The following DLX5 variants were observed in gnomAD, a reference collection of about 807,000 sequenced individuals.
The protein encoded by DLX5 is homeobox protein DLX-5.
Under a neutral mutation model 27.1 loss-of-function variants are expected in DLX5, and 8 were observed. The observed-to-expected ratio is 0.30, with a 90% CI of 0.17 to 0.53. The LOEUF (loss-of-function observed/expected upper bound fraction) is 0.53, where lower values mean the gene tolerates loss of function less well. Ranked by LOEUF, DLX5 falls within the 20% of genes least tolerant of loss-of-function variation. The pLI, the probability that DLX5 is intolerant of heterozygous loss-of-function variation, is 0.95. For synonymous variants in DLX5, 178 were observed against 161.9 expected, an observed-to-expected ratio of 1.10 and a Z score of -0.75; for missense variants, 339 against 375.1, an observed-to-expected ratio of 0.90 and a Z score of 0.80.
chr7:97,024,161 G>T lies in DLX5; in HGVS notation c.355+108C>A. 9.9e-7 allele frequency: 1 copy of T among 1,010,004 alleles called. No individual in the cohort carries two copies. The highest frequency in any genetic ancestry group is 1.4e-6 in the Non-Finnish European group (1 of 699,938). The allele number at this position is 1,010,004 out of a possible 1,614,324, so 62.6% of individuals were successfully genotyped here. ...TGAGTCCTACTCCCTTCTGCCGCGT[G>T]CGCCCCCACTGCCGTGAACCGCTGT... On this transcript the variant is annotated intron_variant, in intron 1 of 2. Coordinates refer to ENST00000648378, the MANE Select transcript of DLX5 (RefSeq NM_005221.6). This position sits in a 1 kb window ranked among gnomAD's most constrained non-coding sequence, Gnocchi z 4.6.
In DLX5 at chr7:97,020,919, C is replaced by T. The variant is rs1225269506; in HGVS notation, c.687G>A (p.Ser229=). The T allele has an allele frequency of 7.4e-6, 12 of 1,614,098 alleles. No individual in the cohort carries two copies. The highest frequency in any genetic ancestry group is 1.0e-5 in the Non-Finnish European group (12 of 1,180,042). The part of the protein sequence containing the change: ...QSPAVWEPQG[S]SRSLSHHPHA... The stretch of plus-strand genomic sequence containing the variant: ...GAGGGTGGTGGCTGAGCGAGCGGGA[C>T]GAGCCCTGGGGCTCCCACACCGCTG... The change falls in exon 3 of 3, where the codon TCG becomes TCA. Residue 229 remains serine, a synonymous_variant. Transcript: ENST00000648378.
At position 97,024,456 on chromosome 7, in the gene DLX5, G is replaced by C. The variant is rs1322581475; in HGVS notation, c.168C>G (p.His56Gln). 1.2e-6 allele frequency: 2 copies of C among 1,614,272 alleles called. No individual in the cohort carries two copies. The highest frequency in any genetic ancestry group is 1.7e-6 in the Non-Finnish European group (2 of 1,180,052). ...DYYSPTGGAP[H>Q]GYCSPTSASY... is the part of the protein sequence containing the mutation. The stretch of plus-strand genomic sequence containing the variant: ...AAGCCGAGGTAGGAGAGCAGTAGCC[G>C]TGCGGGGCTCCCCCCGTAGGGCTGT... The change falls in exon 1 of 3, where the codon CAC (histidine) becomes CAG (glutamine). Residue 56 changes from histidine (H) to glutamine (Q), a missense_variant. Around this residue, in one of 3 missense-constraint regions of DLX5, gnomAD observed 188 missense variants for 206.1 expected, o/e 0.91. Transcript: ENST00000648378. The surrounding 1 kb of genome is among the most constrained non-coding windows in gnomAD (Gnocchi z 4.6).
Position 97,020,668 on chromosome 7 carries a change from T to C in DLX5, c.*68A>G. The C allele has an allele frequency of 7.1e-7, 1 of 1,414,374 alleles. No individual in the cohort carries two copies. Among genetic ancestry groups the C allele is most frequent in the Non-Finnish European group, 9.4e-7 (1 of 1,064,278 alleles). 87.6% of individuals were successfully genotyped at this position (1,414,374 alleles called of 1,614,324 possible). ...CCGAACTTCCCCATATGAATTCCTT[T>C]CTTTATGATTTTCTAGAACAGCAAA... On this transcript the variant is annotated 3_prime_UTR_variant, in exon 3 of 3. Transcript: ENST00000648378.
In DLX5 at chr7:97,020,698, A is replaced by G; in HGVS notation, c.*38T>C. The G allele has an allele frequency of 2.0e-6, 3 of 1,498,704 alleles. No individual in the cohort carries two copies. Among genetic ancestry groups the G allele is most frequent in the Non-Finnish European group, 2.7e-6 (3 of 1,118,322 alleles). 92.8% of individuals were successfully genotyped at this position (1,498,704 alleles called of 1,614,324 possible). A position where few individuals can be genotyped will look rare whatever the true frequency, so the allele number is the denominator to read the frequency against. The stretch of plus-strand genomic sequence containing the variant: ...ATGATTTTCTAGAACAGCAAAACAC[A>G]GTAGTCCCAAAAAAGAGAGTAAGAG... On this transcript the variant is annotated 3_prime_UTR_variant, in exon 3 of 3. Transcript: ENST00000648378.
chr7:97,022,033 C>T, intron 2 of DLX5, 152 bp downstream of exon 2: 1 of 876,560 alleles, frequency 1.1e-6, no homozygotes, highest in South Asian at 1.5e-5. Flanking sequence ...AGGCCTGACT[C>T]ACCGAGTTAA....
chr7:97,022,467 G>C (rs1022200472), intron 1 of DLX5, 98 bp from the exon 2 acceptor site: 50 of 1,555,244 alleles, frequency 3.2e-5, no homozygotes, highest in Non-Finnish European at 4.0e-5. Context: ...TTACCACTCA[G>C]TCTTCATTCT....
chr7:97,022,447 C>T (rs868715953), intron 1 of DLX5, 78 bp from the exon 2 acceptor site: 1 of 1,583,832 alleles, frequency 6.3e-7, no homozygotes, highest in Non-Finnish European at 8.6e-7. Context: ...AAATAGAGTC[C>T]TAGAGTTTCT....
rs200405739 is a variant in DLX5, at chr7:97,023,340, G to GTA, written c.355+928_355+929insTA. On this transcript the variant is annotated intron_variant, in intron 1 of 2. Transcript: ENST00000648378. Reference sequence around the variant, plus strand: ...AACTGACGGAGAACCTCTCCAGGGTGTGTGTGTGTGTGTGTGTGTGTGTGT... The same window carrying GTA: ...AACTGACGGAGAACCTCTCCAGGGTGTATGTGTGTGTGTGTGTGTGTGTGTGT... Among the ~76,000 whole-genome samples the GTA allele has an allele frequency of 2.5e-4, 5 of 19,942 alleles. No homozygotes were observed. The East Asian group carries it at 7.3e-3, about 29-fold the overall frequency. 13.1% of individuals were successfully genotyped at this position (19,942 alleles called of 152,430 possible).
intron 2 of DLX5, chr7:97,021,865 C>T (rs1790071061): frequency 5.1e-6 from 3 of 586,248 alleles, no homozygotes; most frequent in East Asian, 2.8e-5. Context: ...GATAGCTGCT[C>T]TGGGCTGCCT....
chr7:97,024,116 ACT>A lies in DLX5; in HGVS notation c.355+151_355+152del, dbSNP rs750079834. On this transcript the variant is annotated intron_variant, in intron 1 of 2. Transcript: ENST00000648378. The surrounding 1 kb of genome is among the most constrained non-coding windows in gnomAD (Gnocchi z 4.6). ...AATCCCTAAAATGCTGGCCCGAGAA[ACT>A]CTCTTTGTTGGAGGGTCTGAGTCCT... Among the ~76,000 whole-genome samples the A allele has an allele frequency of 6.6e-6, 1 of 151,732 alleles. No homozygotes were observed. Among genetic ancestry groups the A allele is most frequent in the African/African-American group, 2.4e-5 (1 of 41,272 alleles).
rs1347188617 is a variant in DLX5 at position 97,022,231 on chromosome 7, G to A, written c.494C>T (p.Pro165Leu). Residue 165 changes from proline to leucine, a missense_variant, in exon 2 of 3, where the codon CCG becomes CTG. Around this residue, in one of 3 missense-constraint regions of DLX5, gnomAD observed 15 missense variants for 38.7 expected, o/e 0.39. Transcript: ENST00000648378. ...RFQKTQYLALPERAELAASLG... is the reference protein window; with the variant it reads ...RFQKTQYLALLERAELAASLG... ...CGAGGCGGCCAGCTCGGCGCGTTCC[G>A]GCAAGGCGAGGTACTGAGTCTTCTG... 1 of 1,614,198 alleles carries A rather than the reference G, an allele frequency of 6.2e-7. No individual in the cohort carries two copies.
chr7:97,022,792 C>T (rs549202762), intron 1 of DLX5, among the ~76,000 whole-genome samples: 2 of 152,152 alleles, frequency 1.3e-5, no homozygotes, highest in African/African-American at 2.4e-5. Flanking sequence ...CTACTTCTGT[C>T]GGCGTCTGTT....
chr7:97,023,620 T>G (rs1790122732), intron 1 of DLX5, among the ~76,000 whole-genome samples: 1 of 151,964 alleles, frequency 6.6e-6, no homozygotes, highest in African/African-American at 2.4e-5. Context: ...TGGGCGCCTA[T>G]GGAGACAGAA....
intron 2 of DLX5, chr7:97,021,946 C>T: frequency 1.6e-6 from 1 of 612,808 alleles, no homozygotes; most frequent in Non-Finnish European, 2.9e-6. Flanking sequence ...CGGAGGCCCG[C>T]TACGGGGTGG....
At position 97,020,766 on chromosome 7, in the gene DLX5, C is replaced by G; in HGVS notation, c.840G>C (p.Pro280=). The change falls in exon 3 of 3, where the codon CCG becomes CCC. Residue 280 remains proline, a synonymous_variant. Coordinates refer to ENST00000648378, the MANE Select transcript of DLX5 (RefSeq NM_005221.6). ...HLPPPGSLQH[P]LALASGTLY is the part of the protein sequence containing the mutation. ...AGAGTGTCCCGGAGGCCAGCGCCAG[C>G]GGGTGCTGTAAGGAGCCCGGCGGCG... The G allele has an allele frequency of 6.2e-7, 1 of 1,603,054 alleles. No homozygotes were observed. Among genetic ancestry groups the G allele is most frequent in the Non-Finnish European group, 8.5e-7 (1 of 1,172,190 alleles).
rs775574349 is a variant in DLX5 at position 97,022,239 on chromosome 7, G to C, written c.486C>G (p.Leu162=). 1 of 1,614,222 alleles carries C rather than the reference G, an allele frequency of 6.2e-7. No individual in the cohort carries two copies. Among genetic ancestry groups the C allele is most frequent in the South Asian group, 1.1e-5 (1 of 91,088 alleles). ...CCAGCTCGGCGCGTTCCGGCAAGGC[G>C]AGGTACTGAGTCTTCTGAAACCTTC... ...LQRRFQKTQY[L]ALPERAELAA... The change falls in exon 2 of 3, where the codon CTC becomes CTG. Residue 162 remains leucine, a synonymous_variant. Coordinates refer to ENST00000648378, the MANE Select transcript of DLX5 (RefSeq NM_005221.6).
At position 97,024,238 on chromosome 7, in the gene DLX5, T is replaced by C. The variant is rs1790135901; in HGVS notation, c.355+31A>G. The C allele has an allele frequency of 4.4e-6, 7 of 1,592,256 alleles. No individual in the cohort carries two copies. The East Asian group carries it at 1.6e-4, about 36-fold the overall frequency. On this transcript the variant is annotated intron_variant, in intron 1 of 2. Transcript: ENST00000648378. This position sits in a 1 kb window ranked among gnomAD's most constrained non-coding sequence, Gnocchi z 4.6. ...CGCCCCCAGCGTCCTAGTCGCCCTGTATCTGCCCAGCCTTCCCCCTGTCCA... is the reference window on the plus strand; with the variant it reads ...CGCCCCCAGCGTCCTAGTCGCCCTGCATCTGCCCAGCCTTCCCCCTGTCCA...
At chr7:97,022,049 A>G in intron 2 of DLX5, 136 bp downstream of exon 2, 1 of 1,029,686 alleles carries the variant, frequency 9.7e-7, no homozygotes, top group Non-Finnish European at 1.5e-6. Flanking sequence ...GTTAAAGCAT[A>G]GGGGCTGATG....
rs1790135511 is a variant in DLX5, at chr7:97,024,212, G to A, written c.355+57C>T. The A allele has an allele frequency of 1.3e-6, 2 of 1,515,700 alleles. No homozygotes were observed. The highest frequency in any genetic ancestry group is 4.7e-5 in the East Asian group (2 of 42,816). 93.9% of individuals were successfully genotyped at this position (1,515,700 alleles called of 1,614,324 possible). On this transcript the variant is annotated intron_variant, in intron 1 of 2. Transcript: ENST00000648378. The surrounding 1 kb of genome is among the most constrained non-coding windows in gnomAD (Gnocchi z 4.6). ...GACCCCCAATCTACCACCCCATCTCGCGCCCCCAGCGTCCTAGTCGCCCTG... is the reference window on the plus strand; with the variant it reads ...GACCCCCAATCTACCACCCCATCTCACGCCCCCAGCGTCCTAGTCGCCCTG...
Sources: allele counts gnomAD v4.1 joint callset (sites outside exome capture counted in the v4.1 genomes callset), GRCh38; gene constraint gnomAD v4.1.1; regional missense constraint gnomAD v4.1.1; non-coding constraint Gnocchi (gnomAD v3.1); transcripts MANE v1.5; gene names NCBI Gene and HGNC (gene_info 2026-07-23, HGNC 2026-07-21).